The following PRICKLE2 variants were observed in gnomAD, a reference collection of about 807,000 sequenced individuals.
PRICKLE2 encodes prickle-like protein 2.
Under a neutral mutation model 81.4 loss-of-function variants are expected in PRICKLE2, and 21 were observed. That is an observed-to-expected ratio of 0.26 (90% CI 0.18 to 0.37). PRICKLE2 has a LOEUF of 0.37. Among genes scored for constraint, PRICKLE2 ranks in the 10% least tolerant of loss-of-function variants. PRICKLE2 has a pLI of 1.00. For synonymous variants in PRICKLE2, 456 were observed against 421.5 expected, an observed-to-expected ratio of 1.08 and a Z score of -1.00; for missense variants, 940 against 1,109.0, an observed-to-expected ratio of 0.85 and a Z score of 2.16.
At chr3:64,128,126 C>T (rs2077139218) in intron 7 of PRICKLE2, among the ~76,000 whole-genome samples, 3 of 151,932 alleles carry the variant, frequency 2.0e-5, no homozygotes, top group South Asian at 2.1e-4. Context: ...GCGTTGGGGG[C>T]GTTAGAGGTG....
At chr3:64,100,250 T>A (rs1392417380) in intron 7 of PRICKLE2, 1 of 345,196 alleles carries the variant, frequency 2.9e-6, no homozygotes, top group Non-Finnish European at 5.4e-6. Flanking sequence ...GAGTTTCACT[T>A]TGCAAAGTAC....
intron 7 of PRICKLE2, among the ~76,000 whole-genome samples, chr3:64,142,176 T>A (rs2077372027): frequency 6.6e-6 from 1 of 152,198 alleles, no homozygotes; most frequent in Non-Finnish European, 1.5e-5. Context: ...AGCCACCATC[T>A]TTCTTCTGAC....
intron 7 of PRICKLE2, chr3:64,105,745 C>G (rs2076743900): frequency 6.6e-6 from 1 of 152,212 alleles, no homozygotes; most frequent in African/African-American, 2.4e-5. Context: ...CAAGATGGAA[C>G]TGTACTGTCA....
At chr3:64,156,491 C>A (rs1293190086) in intron 5 of PRICKLE2, among the ~76,000 whole-genome samples, 1 of 152,150 alleles carries the variant, frequency 6.6e-6, no homozygotes, top group Non-Finnish European at 1.5e-5. Flanking sequence ...TTTTTCTGCT[C>A]CCAACTTATA....
chr3:64,203,338 T>C (rs192999038), intron 1 of PRICKLE2, among the ~76,000 whole-genome samples: 123 of 152,344 alleles, frequency 8.1e-4, no homozygotes, highest in Non-Finnish European at 1.3e-3. Flanking sequence ...GCAGTCAGTT[T>C]ATTTCTCCAA....
chr3:64,102,092 T>A (rs2076674992), intron 7 of PRICKLE2: 1 of 152,068 alleles, frequency 6.6e-6, no homozygotes, highest in African/African-American at 2.4e-5. Context: ...AGGAGGGACA[T>A]TTGTTATGAA....
At chr3:64,162,613 G>A (rs568222301) in intron 3 of PRICKLE2, among the ~76,000 whole-genome samples, 91 of 152,338 alleles carry the variant, frequency 6.0e-4, no homozygotes, top group African/African-American at 2.0e-3. Context: ...AAATGATGCC[G>A]AAAATTCAGG....
chr3:64,128,170 G>A (rs77803950), intron 7 of PRICKLE2, among the ~76,000 whole-genome samples: 3,122 of 152,242 alleles, frequency 0.021, 94 homozygotes, highest in African/African-American at 0.071. Context: ...AGGAAGGGCT[G>A]GCCTGGTCTA....
In PRICKLE2 at chr3:64,168,727, C is replaced by T. The variant is rs571937516; in HGVS notation, c.145-5598G>A. The stretch of plus-strand genomic sequence containing the variant: ...TCAAGAAAAAAAGAGACTGAAGAGA[C>T]TGGCAGATGGATGGGAAAGAAGGAA... On this transcript the variant is annotated intron_variant, in intron 2 of 7. Transcript: ENST00000638394. Among the ~76,000 whole-genome samples, 7 of 152,174 alleles carry T rather than the reference C, an allele frequency of 4.6e-5. No individual in the cohort carries two copies. In the South Asian group the frequency reaches 1.2e-3, roughly 27 times the overall value.
chr3:64,252,290 C>T (rs1277546133), intron 2 of PRICKLE2, among the ~76,000 whole-genome samples: 2 of 152,170 alleles, frequency 1.3e-5, no homozygotes, highest in Admixed American at 6.5e-5. Context: ...CATAAGGGCT[C>T]CTATACCAAC....
chr3:64,144,037 A>G (rs1312647754), intron 7 of PRICKLE2, among the ~76,000 whole-genome samples: 6 of 150,968 alleles, frequency 4.0e-5, no homozygotes, highest in Non-Finnish European at 7.4e-5. Context: ...ATGTGGATGT[A>G]TTTGAGGAGG....
At chr3:64,100,049 G>T (rs1159216080) in intron 7 of PRICKLE2, 124 bp from the exon 8 acceptor site, 1 of 1,070,764 alleles carries the variant, frequency 9.3e-7, no homozygotes, top group Non-Finnish European at 1.4e-6. Flanking sequence ...CTGCACAAAG[G>T]CCCTCTCAGG....
intron 2 of PRICKLE2, among the ~76,000 whole-genome samples, chr3:64,167,404 T>C (rs916254628): frequency 6.6e-6 from 1 of 152,212 alleles, no homozygotes; most frequent in Non-Finnish European, 1.5e-5. Flanking sequence ...GGTGAAATCA[T>C]ACTAGGTAAC....
chr3:64,120,980 G>C lies in PRICKLE2; in HGVS notation c.1661-21055C>G, dbSNP rs76549903. ...TTGGAAAGCATAAAGACCTTGAACA[G>C]GGCCATGAAAACTTCTTTTCCTGCT... is the stretch of plus-strand genomic sequence containing the variant. On this transcript the variant is annotated intron_variant, in intron 7 of 7. Transcript: ENST00000638394. 5.6e-4 allele frequency among the ~76,000 whole-genome samples: 85 copies of C among 152,304 alleles called. 1 individual carries two copies. Among genetic ancestry groups the C allele is most frequent in the African/African-American group, 2.0e-3 (83 of 41,558 alleles).
chr3:64,226,023 G>T (rs1422251638), upstream of PRICKLE2, among the ~76,000 whole-genome samples: 1 of 152,012 alleles, frequency 6.6e-6, no homozygotes, highest in African/African-American at 2.4e-5. Context: ...ACGTGCTTGG[G>T]TGGTGAGTCA....
rs532613432 is a variant in PRICKLE2 at position 64,235,443 on chromosome 3, C to A, written c.129-36476G>T. On this transcript the variant is annotated intron_variant, in intron 2 of 8. Coordinates refer to the PRICKLE2 transcript ENST00000295902. ...TAGGTCACACTTTTCTGTTTCTTTG[C>A]ATGTCTCAAAATATTTTGTTGAAAA... 1.6e-4 allele frequency among the ~76,000 whole-genome samples: 25 copies of A among 152,292 alleles called. 1 individual carries two copies. The South Asian group carries it at 5.0e-3, about 30-fold the overall frequency.
At chr3:64,255,506 C>A (rs2079513214) in intron 2 of PRICKLE2, among the ~76,000 whole-genome samples, 1 of 152,158 alleles carries the variant, frequency 6.6e-6, no homozygotes, top group African/African-American at 2.4e-5. Context: ...TGCATATGGA[C>A]CTCCTCACAG....
At chr3:64,146,779 C>A in intron 7 of PRICKLE2, 51 bp downstream of exon 7, 1 of 1,601,720 alleles carries the variant, frequency 6.2e-7, no homozygotes, top group South Asian at 1.1e-5. Flanking sequence ...AGCATCCAGT[C>A]ACCCAGAGAC....
intron 6 of PRICKLE2, among the ~76,000 whole-genome samples, chr3:64,151,595 C>G (rs2069995582): frequency 6.6e-6 from 1 of 152,142 alleles, no homozygotes; most frequent in Non-Finnish European, 1.5e-5. Context: ...GGTATTGTTG[C>G]CATGGGCTGG....
Sources: gnomAD v4.1 joint callset for allele counts (sites outside exome capture counted in the v4.1 genomes callset) on GRCh38, gnomAD v4.1.1 for gene constraint, MANE v1.5 for transcripts, NCBI Gene and HGNC (gene_info 2026-07-23, HGNC 2026-07-21) for gene names.